The following TUBB3 variants were observed in gnomAD, a reference collection of about 807,000 sequenced individuals.
The protein encoded by TUBB3 is tubulin beta-3 chain.
Under a neutral mutation model 37.8 loss-of-function variants are expected in TUBB3, and 17 were observed. The observed-to-expected ratio is 0.45, with a 90% confidence interval of 0.31 to 0.67. The LOEUF (loss-of-function observed/expected upper bound fraction) is 0.67. TUBB3 is among the 30% of genes least tolerant of loss of function. The pLI is 0.07. For synonymous variants in TUBB3, 332 were observed against 278.9 expected, an observed-to-expected ratio of 1.19 and a Z score of -1.90; for missense variants, 262 against 657.9, an observed-to-expected ratio of 0.40 and a Z score of 6.58.
At chr16:89,923,868 C>T (rs924949926) in intron 1 of TUBB3, among the ~76,000 whole-genome samples, 4 of 152,106 alleles carry the variant, frequency 2.6e-5, no homozygotes, top group African/African-American at 9.7e-5. Context: ...GGGGGTTCTC[C>T]TCACAGCCGT....
At chr16:89,925,427 T>TAAA (rs36088141) in intron 1 of TUBB3, among the ~76,000 whole-genome samples, 31 of 137,144 alleles carry the variant, frequency 2.3e-4, no homozygotes, top group South Asian at 2.2e-3. Flanking sequence ...CTCCGTTTCT[T>TAAA]AAAAAAAAAA....
intron 3 of TUBB3, 123 bp downstream of exon 3, chr16:89,933,701 G>A: frequency 1.2e-6 from 1 of 830,606 alleles, no homozygotes; most frequent in South Asian, 1.3e-5. Context: ...TGAATGGTGG[G>A]AACTCATCTC....
At chr16:89,933,672 T>C (rs768918770) in intron 3 of TUBB3, 94 bp downstream of exon 3, 1 of 954,410 alleles carries the variant, frequency 1.0e-6, no homozygotes, top group South Asian at 1.3e-5. Flanking sequence ...CAAGGAATGG[T>C]CAGCTCCTCA....
At chr16:89,923,838 A>T (rs1167956416) in intron 1 of TUBB3, among the ~76,000 whole-genome samples, 1 of 149,664 alleles carries the variant, frequency 6.7e-6, no homozygotes, top group Non-Finnish European at 1.5e-5. Context: ...CGGGTGGGGT[A>T]GGCAGGTTTG....
chr16:89,934,902 C>CTCA lies in TUBB3; in HGVS notation c.455_457dup (p.Ile152dup). 6.2e-7 allele frequency: 1 copy of CTCA among 1,614,108 alleles called. No homozygotes were observed. The highest frequency in any genetic ancestry group is 8.5e-7 in the Non-Finnish European group (1 of 1,180,012). ...CACGGGCTCCGGCATGGGCACGTTG[C>CTCA]TCATCAGCAAGGTGCGTGAGGAGTA... On this transcript the variant is annotated inframe_insertion, in exon 4 of 4. Coordinates refer to ENST00000315491, the MANE Select transcript of TUBB3 (RefSeq NM_006086.4).
chr16:89,930,058 T>TC (rs2030228935), intron 1 of TUBB3, among the ~76,000 whole-genome samples: 1 of 85,780 alleles, frequency 1.2e-5, no homozygotes, highest in South Asian at 4.6e-4. Flanking sequence ...CTTCCTTCCT[T>TC]CCTCTCTCTC....
Position 89,935,251 on chromosome 16 carries a change from T to C in TUBB3, c.800T>C (p.Met267Thr). ...MVPFPRLHFF[M>T]PGFAPLTARG... ...CCCTTCCCGCGCCTGCACTTCTTCATGCCCGGCTTCGCCCCCCTCACAGCC... is the reference window on the plus strand; with the variant it reads ...CCCTTCCCGCGCCTGCACTTCTTCACGCCCGGCTTCGCCCCCCTCACAGCC... The change falls in exon 4 of 4, where the codon ATG becomes ACG. Residue 267 changes from methionine (M) to threonine (T), a missense_variant. Coordinates refer to ENST00000315491, the MANE Select transcript of TUBB3 (RefSeq NM_006086.4). 6.2e-7 allele frequency: 1 copy of C among 1,613,708 alleles called. No individual in the cohort carries two copies. Among genetic ancestry groups the C allele is most frequent in the Non-Finnish European group, 8.5e-7 (1 of 1,179,968 alleles).
rs1173392927 is a variant in TUBB3, at chr16:89,936,059, C to A, written c.*255C>A. 1.0e-5 allele frequency: 6 copies of A among 583,206 alleles called. No homozygotes were observed. In the Admixed American group the frequency reaches 1.8e-4, roughly 18 times the overall value. The allele number at this position is 583,206 out of a possible 1,614,324, so 36.1% of individuals were successfully genotyped here. A position where few individuals can be genotyped will look rare whatever the true frequency, so the allele number is the denominator to read the frequency against. The stretch of plus-strand genomic sequence containing the variant: ...TTTTACTGGTTTGTGTTTATATTTT[C>A]GGGGATACTTAATAAATCTATTGCT... On this transcript the variant is annotated 3_prime_UTR_variant, in exon 4 of 4. Transcript: ENST00000315491.
intron 1 of TUBB3, among the ~76,000 whole-genome samples, chr16:89,924,120 C>T (rs1489097133): frequency 2.0e-5 from 3 of 152,238 alleles, no homozygotes; most frequent in Non-Finnish European, 2.9e-5. Flanking sequence ...GTCTACCAGT[C>T]TGGGGATTGG....
intron 1 of TUBB3, among the ~76,000 whole-genome samples, chr16:89,927,716 G>A (rs1014580841): frequency 3.9e-5 from 6 of 152,178 alleles, no homozygotes; most frequent in African/African-American, 1.4e-4. Context: ...CCATTCACAC[G>A]TTCATCTCAC....
Position 89,935,876 on chromosome 16 carries a change from C to G in TUBB3, c.*72C>G. Reference sequence around the variant, plus strand: ...GCCAGCAGTGTCTAAACCCCCGGAGCCATCTTGCTGCCGACACCCTGCTTT... The same window carrying G: ...GCCAGCAGTGTCTAAACCCCCGGAGGCATCTTGCTGCCGACACCCTGCTTT... On this transcript the variant is annotated 3_prime_UTR_variant, in exon 4 of 4. Coordinates refer to ENST00000315491, the MANE Select transcript of TUBB3 (RefSeq NM_006086.4). The G allele has an allele frequency of 2.0e-6, 3 of 1,522,716 alleles. No individual in the cohort carries two copies. Among genetic ancestry groups the G allele is most frequent in the Non-Finnish European group, 1.8e-6 (2 of 1,129,176 alleles). The allele number at this position is 1,522,716 out of a possible 1,614,324, so 94.3% of individuals were successfully genotyped here. A position where few individuals can be genotyped will look rare whatever the true frequency, so the allele number is the denominator to read the frequency against.
At chr16:89,924,369 C>T (rs2029997081) in intron 1 of TUBB3, among the ~76,000 whole-genome samples, 1 of 152,178 alleles carries the variant, frequency 6.6e-6, no homozygotes, top group Non-Finnish European at 1.5e-5. Context: ...TGGTTCTCAT[C>T]CCCTGCAGGA....
intron 1 of TUBB3, among the ~76,000 whole-genome samples, chr16:89,928,672 C>T (rs1269455858): frequency 6.6e-6 from 1 of 151,968 alleles, no homozygotes; most frequent in Admixed American, 6.6e-5. Context: ...CTACAGGTGC[C>T]CGCCACCGCG....
intron 1 of TUBB3, among the ~76,000 whole-genome samples, chr16:89,924,078 AC>A (rs1320952563): frequency 1.3e-5 from 2 of 151,984 alleles, no homozygotes; most frequent in African/African-American, 4.8e-5. Flanking sequence ...CTCCTGGGCA[AC>A]CCCCGCGGGG....
chr16:89,931,309 C>T (rs937850400), intron 1 of TUBB3, among the ~76,000 whole-genome samples: 5 of 152,246 alleles, frequency 3.3e-5, no homozygotes, highest in Non-Finnish European at 5.9e-5. Flanking sequence ...TTCTGCAGCA[C>T]ATGACTCACA....
intron 1 of TUBB3, among the ~76,000 whole-genome samples, chr16:89,926,276 G>T (rs910030879): frequency 1.3e-5 from 2 of 152,226 alleles, no homozygotes; most frequent in Non-Finnish European, 1.5e-5. Context: ...CTGGGGGCGG[G>T]GCCTGGCCGT....
In TUBB3 at chr16:89,936,078, T is replaced by A; in HGVS notation, c.*274T>A. 1 of 555,784 alleles carries A rather than the reference T, an allele frequency of 1.8e-6. No individual in the cohort carries two copies. Among genetic ancestry groups the A allele is most frequent in the South Asian group, 2.1e-5 (1 of 46,574 alleles). 34.4% of individuals were successfully genotyped at this position (555,784 alleles called of 1,614,324 possible). On this transcript the variant is annotated 3_prime_UTR_variant, in exon 4 of 4. Coordinates refer to ENST00000315491, the MANE Select transcript of TUBB3 (RefSeq NM_006086.4). ...TATTTTCGGGGATACTTAATAAATC[T>A]ATTGCTGTCAGATACCCTTGCTTGG... is the stretch of plus-strand genomic sequence containing the variant.
chr16:89,923,610 C>T lies in TUBB3; in HGVS notation c.57+152C>T, dbSNP rs1046207857. ...CGCGCCGGGCGGCCGGGACGCGGGG[C>T]CCCCGCCCTGGGACTCTCGCCTGCA... On this transcript the variant is annotated intron_variant, in intron 1 of 3. Transcript: ENST00000315491. 2.9e-4 allele frequency: 207 copies of T among 716,978 alleles called. 1 individual carries two copies. Among genetic ancestry groups the T allele is most frequent in the Non-Finnish European group, 3.7e-4 (193 of 526,048 alleles). The allele number at this position is 716,978 out of a possible 1,614,324, so 44.4% of individuals were successfully genotyped here.
chr16:89,932,846 G>C lies in TUBB3; in HGVS notation c.166+167G>C, dbSNP rs767277735. On this transcript the variant is annotated intron_variant, in intron 2 of 3. Transcript: ENST00000315491. ...GGCGTAACTGGATGTCAGGCATCCA[G>C]ACGCACAGAACAGACAATAAATCAC... 7.2e-5 allele frequency: 48 copies of C among 664,552 alleles called. 1 individual carries two copies. Among genetic ancestry groups the C allele is most frequent in the Middle Eastern group, 4.8e-4 (2 of 4,176 alleles). 41.2% of individuals were successfully genotyped at this position (664,552 alleles called of 1,614,324 possible).
Sources: allele counts gnomAD v4.1 joint callset (sites outside exome capture counted in the v4.1 genomes callset), GRCh38; gene constraint gnomAD v4.1.1; transcripts MANE v1.5; gene names NCBI Gene and HGNC (gene_info 2026-07-23, HGNC 2026-07-21).